Variants in USP48 observed in about 807,000 individuals in gnomAD.
USP48 encodes ubiquitin carboxyl-terminal hydrolase 48.
A neutral mutation model predicts 150.7 loss-of-function variants in USP48; 43 were observed. The ratio of observed to expected loss-of-function variants is 0.29; its 90% CI spans 0.22 to 0.37. The LOEUF is 0.37. Among genes scored for constraint, USP48 ranks in the 10% least tolerant of loss-of-function variants. The pLI is 1.00. For synonymous variants in USP48, 396 were observed against 425.9 expected, an observed-to-expected ratio of 0.93 and a Z score of 0.86; for missense variants, 813 against 1,249.6, an observed-to-expected ratio of 0.65 and a Z score of 5.27.
chr1:21,706,902 A>C, intron 15 of USP48, 34 bp from the exon 16 acceptor site: 1 of 1,565,648 alleles, frequency 6.4e-7, no homozygotes, highest in Non-Finnish European at 8.6e-7. Context: ...GAAAAAAAAA[A>C]AACAGCTGAA....
intron 14 of USP48, among the ~76,000 whole-genome samples, chr1:21,717,671 G>A (rs2097708537): frequency 1.3e-5 from 2 of 152,108 alleles, no homozygotes; most frequent in African/African-American, 2.4e-5. Flanking sequence ...AAAAACTGAT[G>A]TGACTGCCGG....
intron 25 of USP48, among the ~76,000 whole-genome samples, chr1:21,682,169 A>G (rs1437735726): frequency 6.6e-6 from 1 of 152,192 alleles, no homozygotes; most frequent in Non-Finnish European, 1.5e-5. Context: ...AGCCCTGAAT[A>G]TGTTCAAGGG....
intron 1 of USP48, among the ~76,000 whole-genome samples, chr1:21,778,945 C>A (rs555636801): frequency 6.6e-6 from 1 of 151,952 alleles, no homozygotes; most frequent in Non-Finnish European, 1.5e-5. Flanking sequence ...CCATGCCCGG[C>A]TAATTTTTTG....
chr1:21,721,679 A>T lies in USP48; in HGVS notation c.1734T>A (p.Val578=). The T allele has an allele frequency of 6.2e-7, 1 of 1,604,032 alleles. No homozygotes were observed. Among genetic ancestry groups the T allele is most frequent in the Middle Eastern group, 1.7e-4 (1 of 6,026 alleles). Reference sequence around the variant, plus strand: ...TTACTGCTGCTTTCAGCAGATTATTAACAGTTTTATAATCTTCATTTAGTT... The same window carrying T: ...TTACTGCTGCTTTCAGCAGATTATTTACAGTTTTATAATCTTCATTTAGTT... ...KNQLNEDYKT[V]NNLLKAAVKG... is the part of the protein sequence containing the mutation. Residue 578 remains valine, a synonymous_variant, in exon 13 of 27, where the codon GTT becomes GTA. Coordinates refer to ENST00000308271, the MANE Select transcript of USP48 (RefSeq NM_032236.8).
At chr1:21,743,537 T>C (rs757732226) in intron 8 of USP48, among the ~76,000 whole-genome samples, 2 of 151,998 alleles carry the variant, frequency 1.3e-5, no homozygotes, top group African/African-American at 4.8e-5. Flanking sequence ...TGGCTGGCAA[T>C]ATCCCAGGAG....
intron 8 of USP48, among the ~76,000 whole-genome samples, chr1:21,743,140 T>C (rs2097786064): frequency 1.3e-5 from 2 of 152,070 alleles, no homozygotes; most frequent in South Asian, 2.1e-4. Context: ...TTGACCCTAA[T>C]TGGTCAAAAG....
Position 21,728,833 on chromosome 1 carries a change from C to T in USP48, c.1301-114G>A, listed in dbSNP as rs1043449805. The T allele has an allele frequency of 3.1e-6, 4 of 1,280,240 alleles. No homozygotes were observed. In the African/African-American group the frequency reaches 6.0e-5, roughly 19 times the overall value. The allele number at this position is 1,280,240 out of a possible 1,614,324, so 79.3% of individuals were successfully genotyped here. ...ATTAAAACATTGGCAGAAATTCCAACTATGGTCTCCCTGTCTGCTAGAAAC... is the reference window on the plus strand; with the variant it reads ...ATTAAAACATTGGCAGAAATTCCAATTATGGTCTCCCTGTCTGCTAGAAAC... On this transcript the variant is annotated intron_variant, in intron 10 of 26. Transcript: ENST00000308271.
intron 11 of USP48, among the ~76,000 whole-genome samples, chr1:21,726,087 A>T (rs900471304): frequency 1.3e-5 from 2 of 152,196 alleles, no homozygotes; most frequent in African/African-American, 4.8e-5. Context: ...GTCACTAGGC[A>T]TCCTAGTTTC....
chr1:21,750,806 C>T (rs1241808218), intron 6 of USP48, among the ~76,000 whole-genome samples: 5 of 151,308 alleles, frequency 3.3e-5, no homozygotes, highest in South Asian at 2.1e-4. Flanking sequence ...CGCTTGAATC[C>T]GGGAGGCGGA....
chr1:21,706,690 G>A (rs530001013), intron 16 of USP48, 54 bp downstream of exon 16: 10 of 1,610,260 alleles, frequency 6.2e-6, no homozygotes, highest in Middle Eastern at 3.3e-4. Flanking sequence ...CCCCTGGGAA[G>A]TCAACCCAGG....
intron 15 of USP48, 64 bp downstream of exon 15, chr1:21,715,325 G>T: frequency 7.7e-7 from 1 of 1,291,468 alleles, no homozygotes; most frequent in Non-Finnish European, 1.1e-6. Flanking sequence ...TGAAAGCCAG[G>T]CAGTAGAAGC....
At position 21,727,896 on chromosome 1, in the gene USP48, TCTTC is replaced by T. The variant is rs2097743751; in HGVS notation, c.1450+670_1450+673del. On this transcript the variant is annotated intron_variant, in intron 11 of 26. Coordinates refer to ENST00000308271, the MANE Select transcript of USP48 (RefSeq NM_032236.8). Reference sequence around the variant, plus strand: ...TCTAAAGTAAGGACTAAATTGTCTCTCTTCCTTAAGTAGGAATTAGGCTTGGGGA... The same window carrying T: ...TCTAAAGTAAGGACTAAATTGTCTCTCTTAAGTAGGAATTAGGCTTGGGGA... 3 of 981,834 alleles carry T rather than the reference TCTTC, an allele frequency of 3.1e-6. No individual in the cohort carries two copies. In the South Asian group the frequency reaches 1.4e-4, roughly 46 times the overall value. 60.8% of individuals were successfully genotyped at this position (981,834 alleles called of 1,614,324 possible).
chr1:21,765,989 G>A (rs2097861359), intron 1 of USP48, among the ~76,000 whole-genome samples: 1 of 147,970 alleles, frequency 6.8e-6, no homozygotes, highest in Non-Finnish European at 1.5e-5. Flanking sequence ...TTGATGGGAA[G>A]AAATCAATAG....
intron 8 of USP48, among the ~76,000 whole-genome samples, chr1:21,739,518 C>CAAAAAAAAAA (rs61410306): frequency 1.5e-5 from 1 of 66,292 alleles, no homozygotes; most frequent in East Asian, 5.4e-4. Context: ...GACTCCGTCT[C>CAAAAAAAAAA]AAAAAAAAAA....
chr1:21,706,360 A>T (rs2097672619), intron 17 of USP48, 107 bp downstream of exon 17: 2 of 1,549,532 alleles, frequency 1.3e-6, no homozygotes, highest in Admixed American at 1.9e-5. Context: ...TAACTAAACA[A>T]ATGAGAATAT....
At chr1:21,741,587 G>C (rs1319889239) in intron 8 of USP48, among the ~76,000 whole-genome samples, 1 of 152,178 alleles carries the variant, frequency 6.6e-6, no homozygotes, top group Non-Finnish European at 1.5e-5. Flanking sequence ...AGAATGCAAA[G>C]AATGATAAAC....
At chr1:21,748,065 A>T in intron 7 of USP48, 73 bp downstream of exon 7, 5 of 1,369,488 alleles carry the variant, frequency 3.7e-6, no homozygotes, top group Non-Finnish European at 4.8e-6. Context: ...CCATTTTATC[A>T]TCTCATCTAT....
chr1:21,703,464 A>G, intron 21 of USP48, 48 bp downstream of exon 21: 7 of 1,466,524 alleles, frequency 4.8e-6, no homozygotes, highest in Non-Finnish European at 6.6e-6. Context: ...ATCAAGCCAA[A>G]GAGCACGCTT....
chr1:21,708,291 G>A (rs937786636), intron 15 of USP48, among the ~76,000 whole-genome samples: 14 of 152,276 alleles, frequency 9.2e-5, no homozygotes, highest in African/African-American at 3.4e-4. Flanking sequence ...ACGAGGTCAG[G>A]AGTTTGAAAC....
Sources: allele counts gnomAD v4.1 joint callset (sites outside exome capture counted in the v4.1 genomes callset), GRCh38; gene constraint gnomAD v4.1.1; transcripts MANE v1.5; gene names NCBI Gene and HGNC (gene_info 2026-07-23, HGNC 2026-07-21).